The following PRELID2 variants were observed in gnomAD, a reference collection of about 807,000 sequenced individuals.
PRELID2 encodes PRELI domain-containing protein 2.
Under a neutral mutation model 28.4 loss-of-function variants are expected in PRELID2, and 25 were observed. That is an observed-to-expected ratio of 0.88 (90% CI 0.64 to 1.23). PRELID2 has a LOEUF of 1.23. Ranked by LOEUF, PRELID2 falls within the 50% of genes most tolerant of loss-of-function variation. The pLI, the probability that PRELID2 is intolerant of heterozygous loss-of-function variation, is 0.00. For synonymous variants in PRELID2, 76 were observed against 71.6 expected (o/e 1.06, Z -0.31); for missense variants, 201 against 214.4 (o/e 0.94, Z 0.39).
intron 1 of PRELID2, among the ~76,000 whole-genome samples, chr5:145,620,996 G>GC (rs1561522503): frequency 1.3e-5 from 2 of 152,094 alleles, no homozygotes; most frequent in South Asian, 4.1e-4. Context: ...AAGAAGAGTT[G>GC]CATACCAGAA....
At chr5:145,666,392 C>T (rs1474121061) in intron 1 of PRELID2, among the ~76,000 whole-genome samples, 1 of 152,056 alleles carries the variant, frequency 6.6e-6, no homozygotes, top group African/African-American at 2.4e-5. Flanking sequence ...CCACCCAAGC[C>T]ATACAGAGCT....
chr5:145,819,826 G>C, intron 3 of PRELID2, 119 bp downstream of exon 3: 1 of 736,622 alleles, frequency 1.4e-6, no homozygotes, highest in Non-Finnish European at 2.4e-6. Context: ...AGAAGGTTCT[G>C]AGGTAAAAGG....
intron 1 of PRELID2, among the ~76,000 whole-genome samples, chr5:145,595,820 A>T (rs1477704337): frequency 1.3e-5 from 2 of 152,180 alleles, no homozygotes; most frequent in African/African-American, 4.8e-5. Flanking sequence ...TACTTTTAAA[A>T]TTCATTTCCA....
chr5:145,683,031 G>A lies in PRELID2; in HGVS notation n.70+81900C>T, dbSNP rs75235579. The stretch of plus-strand genomic sequence containing the variant: ...ATGCTCCAAAGGGGAAAAAAGACCA[G>A]AGAGCCACAGAGAAAAATACAGAGC... On this transcript the variant is annotated intron_variant and non_coding_transcript_variant, in intron 1 of 2. Transcript: ENST00000510259. 6.7e-3 allele frequency among the ~76,000 whole-genome samples: 1,026 copies of A among 152,252 alleles called. 9 individuals carry two copies. The highest frequency in any genetic ancestry group is 0.024 in the African/African-American group (979 of 41,556).
the PRELID2 span, among the ~76,000 whole-genome samples, chr5:145,263,116 C>T: frequency 9.2e-5 from 14 of 152,006 alleles, no homozygotes; most frequent in African/African-American, 3.1e-4. Context: ...AATAAAAAAA[C>T]TCACCCAACA....
At chr5:145,522,352 T>A (rs375274486) in intron 1 of PRELID2, among the ~76,000 whole-genome samples, 10 of 152,172 alleles carry the variant, frequency 6.6e-5, no homozygotes, top group East Asian at 1.9e-4. Context: ...GCTTCTGCAA[T>A]GTGTTTTATT....
chr5:145,265,613 A>C, the PRELID2 span, among the ~76,000 whole-genome samples: 1 of 152,220 alleles, frequency 6.6e-6, no homozygotes, highest in South Asian at 2.1e-4. Flanking sequence ...ATTGGTATAA[A>C]AATAGGCATA....
At chr5:145,384,400 T>C in the PRELID2 span, among the ~76,000 whole-genome samples, 1 of 152,196 alleles carries the variant, frequency 6.6e-6, no homozygotes, top group East Asian at 1.9e-4. Context: ...AATATATTCA[T>C]ACAATGGAAT....
intron 1 of PRELID2, among the ~76,000 whole-genome samples, chr5:145,645,338 CTT>C (rs35732947): frequency 0.013 from 639 of 47,748 alleles, 2 homozygotes; most frequent in African/African-American, 0.046. Context: ...GCAACTCCTG[CTT>C]TTTTTTTTTT....
chr5:145,458,520 T>G, the PRELID2 span, among the ~76,000 whole-genome samples: 1 of 152,214 alleles, frequency 6.6e-6, no homozygotes, highest in East Asian at 1.9e-4. Flanking sequence ...TGGCAATGTC[T>G]GGAGACTTTT....
chr5:145,474,319 A>G (rs1490165287), intron 1 of PRELID2, among the ~76,000 whole-genome samples: 2 of 152,210 alleles, frequency 1.3e-5, no homozygotes, highest in African/African-American at 4.8e-5. Flanking sequence ...ACCACCAATT[A>G]TCTCTTGCCA....
the PRELID2 span, among the ~76,000 whole-genome samples, chr5:145,309,200 G>C: frequency 6.6e-6 from 1 of 152,168 alleles, no homozygotes; most frequent in East Asian, 1.9e-4. Flanking sequence ...AAATACTACA[G>C]GAAGTAATCA....
chr5:145,743,374 G>A lies in PRELID2; in HGVS notation n.70+21557C>T, dbSNP rs113940136. Reference sequence around the variant, plus strand: ...TGCAGTGAGCTAAGATTGCACCATTGTACTCCAGACTGGGCAATGAGAGTG... The same window carrying A: ...TGCAGTGAGCTAAGATTGCACCATTATACTCCAGACTGGGCAATGAGAGTG... On this transcript the variant is annotated intron_variant and non_coding_transcript_variant, in intron 1 of 2. Coordinates refer to the PRELID2 transcript ENST00000510259. 5.5e-3 allele frequency among the ~76,000 whole-genome samples: 762 copies of A among 137,438 alleles called. 7 individuals are homozygous for A. The highest frequency in any genetic ancestry group is 0.02 in the African/African-American group (734 of 36,612). The allele number at this position is 137,438 out of a possible 152,430, so 90.2% of individuals were successfully genotyped here.
chr5:145,829,667 A>G (rs1440145118), intron 1 of PRELID2, among the ~76,000 whole-genome samples: 1 of 152,084 alleles, frequency 6.6e-6, no homozygotes, highest in African/African-American at 2.4e-5. Flanking sequence ...CACCCCATCC[A>G]ATGTCAGAGC....
intron 4 of PRELID2, 39 bp downstream of exon 4, chr5:145,817,855 T>G: frequency 6.8e-7 from 1 of 1,477,140 alleles, no homozygotes; most frequent in African/African-American, 1.4e-5. Flanking sequence ...TGTCCATCCC[T>G]GCAACCAAAA....
At chr5:145,246,545 C>A in the PRELID2 span, among the ~76,000 whole-genome samples, 1 of 151,392 alleles carries the variant, frequency 6.6e-6, no homozygotes, top group Non-Finnish European at 1.5e-5. Context: ...ATATTCTTTC[C>A]TTCCTTCCTT....
chr5:145,547,557 G>A (rs938479724), intron 1 of PRELID2, among the ~76,000 whole-genome samples: 1 of 152,064 alleles, frequency 6.6e-6, no homozygotes, highest in Non-Finnish European at 1.5e-5. Context: ...TTCTTTTTCA[G>A]CCTGTGTTCT....
chr5:145,340,874 C>T, the PRELID2 span, among the ~76,000 whole-genome samples: 1 of 150,658 alleles, frequency 6.6e-6, no homozygotes, highest in Non-Finnish European at 1.5e-5. Flanking sequence ...CTGTGTCTAA[C>T]ACTGCCACCA....
the PRELID2 span, among the ~76,000 whole-genome samples, chr5:145,242,498 G>A: frequency 2.0e-5 from 3 of 151,924 alleles, no homozygotes; most frequent in Non-Finnish European, 4.4e-5. Context: ...GTCTGTCCAA[G>A]GTTATCCGGA....
Sources: gnomAD v4.1 joint callset for allele counts (sites outside exome capture counted in the v4.1 genomes callset) on GRCh38, gnomAD v4.1.1 for gene constraint, MANE v1.5 for transcripts, NCBI Gene and HGNC (gene_info 2026-07-23, HGNC 2026-07-21) for gene names.